PLEKHG1: variants seen among roughly 807,000 people sequenced by gnomAD.
PLEKHG1 encodes the protein pleckstrin homology and RhoGEF domain containing G1, also known as pleckstrin homology domain-containing family G member 1.
Under a neutral mutation model 100.8 loss-of-function variants are expected in PLEKHG1, and 44 were observed. That is an observed-to-expected ratio of 0.44 (90% confidence interval 0.34 to 0.56). The LOEUF (loss-of-function observed/expected upper bound fraction) is 0.56, where lower values mean the gene tolerates loss of function less well. Among genes scored for constraint, PLEKHG1 ranks in the 20% least tolerant of loss-of-function variants. The probability of loss-of-function intolerance (pLI) is 0.01; values close to 1 mark genes in which losing one functional copy is unlikely to be tolerated. For synonymous variants in PLEKHG1, 640 were observed against 662.5 expected (o/e 0.97, Z 0.52); for missense variants, 1,545 against 1,720.9 (o/e 0.90, Z 1.81).
chr6:150,823,782 A>G, intron 14 of PLEKHG1, 106 bp downstream of exon 15: 1 of 769,894 alleles, frequency 1.3e-6, no homozygotes. Context: ...AAGTGTCAAC[A>G]GTTATTTTAC....
At chr6:150,785,639 G>A (rs1785580514) in intron 3 of PLEKHG1, among the ~76,000 whole-genome samples, 1 of 152,056 alleles carries the variant, frequency 6.6e-6, no homozygotes, top group Non-Finnish European at 1.5e-5. Flanking sequence ...ATTCATTAGT[G>A]TGATTTTTCA....
At chr6:150,795,867 C>T in exon 5 of PLEKHG1, 1 of 1,601,436 alleles carries the variant, frequency 6.2e-7, no homozygotes, top group Non-Finnish European at 8.6e-7. Context: ...GTGAAGAGTT[C>T]CACATTTATA....
rs753193997 is a variant in PLEKHG1, at chr6:150,831,366, C to G, written c.2255C>G (p.Ser752Trp). The change falls in exon 15 of 16, where the codon TCG becomes TGG. Residue 752 changes from serine (S) to tryptophan (W), a missense_variant. Physicochemically the swap from Ser to Trp is radical, Grantham distance 177. Transcript: ENST00000358517. This position sits in a 1 kb window ranked among gnomAD's most constrained non-coding sequence, Gnocchi z 4.1. Reference sequence around the variant, plus strand: ...ACCATAGGGCTCCCAGATCCTCCGTCGCTGGGTTTTAAGTGCAGCAGCCTA... The same window carrying G: ...ACCATAGGGCTCCCAGATCCTCCGTGGCTGGGTTTTAAGTGCAGCAGCCTA... The G allele has an allele frequency of 6.2e-7, 1 of 1,614,074 alleles. No homozygotes were observed. Among genetic ancestry groups the G allele is most frequent in the Non-Finnish European group, 8.5e-7 (1 of 1,180,002 alleles).
At chr6:150,685,307 G>A (rs1780080464) in intron 3 of PLEKHG1, among the ~76,000 whole-genome samples, 1 of 152,082 alleles carries the variant, frequency 6.6e-6, no homozygotes, top group African/African-American at 2.4e-5. Context: ...CAGAGATTTT[G>A]AAGGCCTCTT....
intron 3 of PLEKHG1, among the ~76,000 whole-genome samples, chr6:150,676,223 AT>A (rs1423004215): frequency 6.6e-6 from 1 of 152,244 alleles, no homozygotes; most frequent in African/African-American, 2.4e-5. Flanking sequence ...TGGAGACTTA[AT>A]TCATGTGCCC....
chr6:150,652,830 A>G (rs1302847984), intron 3 of PLEKHG1, among the ~76,000 whole-genome samples: 4 of 152,346 alleles, frequency 2.6e-5, no homozygotes, highest in East Asian at 3.9e-4. Context: ...AAGTGCAACA[A>G]TGGGTTAGAG....
intron 2 of PLEKHG1, among the ~76,000 whole-genome samples, chr6:150,754,217 A>G (rs931643523): frequency 6.6e-6 from 1 of 152,160 alleles, no homozygotes; most frequent in East Asian, 1.9e-4. Context: ...CAGTGAGAAA[A>G]GAATAGACAA....
At chr6:150,791,112 T>C (rs1215817068) in intron 4 of PLEKHG1, among the ~76,000 whole-genome samples, 1 of 152,190 alleles carries the variant, frequency 6.6e-6, no homozygotes, top group African/African-American at 2.4e-5. Context: ...AAGTGTGGTC[T>C]TGGACCTGCA....
intron 3 of PLEKHG1, chr6:150,663,557 T>TCTC (rs1562420487): frequency 2.9e-5 from 3 of 104,326 alleles, no homozygotes; most frequent in Non-Finnish European, 4.2e-5. Flanking sequence ...CTCTCTCTCT[T>TCTC]TTTTTTTTTT....
intron 3 of PLEKHG1, among the ~76,000 whole-genome samples, chr6:150,656,176 C>T (rs912111171): frequency 1.1e-4 from 16 of 151,832 alleles, no homozygotes; most frequent in African/African-American, 3.6e-4. Context: ...AGGGACTAGA[C>T]ATTTTGTGGG....
chr6:150,830,771 G>T, exon 15 of PLEKHG1: 1 of 1,614,130 alleles, frequency 6.2e-7, no homozygotes, highest in South Asian at 1.1e-5. Flanking sequence ...GGAGAATGAG[G>T]ATGATGAAGA....
intron 3 of PLEKHG1, among the ~76,000 whole-genome samples, chr6:150,697,567 G>A (rs556563816): frequency 5.3e-5 from 8 of 152,294 alleles, no homozygotes; most frequent in African/African-American, 1.7e-4. Flanking sequence ...GCTGAGGGCC[G>A]GCCCTGGGAG....
intron 3 of PLEKHG1, among the ~76,000 whole-genome samples, chr6:150,716,064 C>T (rs1268065469): frequency 5.4e-5 from 8 of 147,952 alleles, no homozygotes; most frequent in South Asian, 2.2e-4. Flanking sequence ...GCCGAGATCG[C>T]GCCACTGCAC....
In PLEKHG1 at chr6:150,782,244, C is replaced by T. The variant is rs11756236; in HGVS notation, c.513-4146C>T. Among the ~76,000 whole-genome samples, 488 of 151,954 alleles carry T rather than the reference C, an allele frequency of 3.2e-3. 6 individuals are homozygous for T. The highest frequency in any genetic ancestry group is 1.2e-3 in the East Asian group (6 of 5,114). On this transcript the variant is annotated intron_variant, in intron 3 of 15. Coordinates refer to ENST00000358517, the Ensembl canonical transcript of PLEKHG1. ...ACCAGCCCAGCCAACATGGTGAAAC[C>T]CTGTCTCTACTAAAAATAGAAAAGT...
At chr6:150,612,485 A>G (rs1321268005) in intron 1 of PLEKHG1, among the ~76,000 whole-genome samples, 1 of 152,110 alleles carries the variant, frequency 6.6e-6, no homozygotes, top group Non-Finnish European at 1.5e-5. Context: ...GGCGCCTGCC[A>G]TCACACTTGG....
At chr6:150,609,328 G>C (rs1044607711) in intron 1 of PLEKHG1, among the ~76,000 whole-genome samples, 1 of 152,202 alleles carries the variant, frequency 6.6e-6, no homozygotes. Flanking sequence ...GTATTTGCTT[G>C]GGTGGTCAGA....
At chr6:150,621,335 A>G (rs556678651) in intron 1 of PLEKHG1, among the ~76,000 whole-genome samples, 1 of 150,954 alleles carries the variant, frequency 6.6e-6, no homozygotes, top group Admixed American at 6.6e-5. Flanking sequence ...ATGGGTTCCT[A>G]TTAGTTTTAC....
chr6:150,750,512 C>A (rs574975107), intron 2 of PLEKHG1, among the ~76,000 whole-genome samples: 30 of 152,208 alleles, frequency 2.0e-4, no homozygotes, highest in Non-Finnish European at 4.3e-4. Flanking sequence ...AAAGGCGGCA[C>A]ACTCACGCCT....
intron 2 of PLEKHG1, among the ~76,000 whole-genome samples, chr6:150,647,447 T>C (rs906798087): frequency 7.9e-5 from 12 of 152,176 alleles, no homozygotes; most frequent in South Asian, 2.1e-4. Flanking sequence ...GTCTCCTTTT[T>C]ACAAAATCAA....
Sources: gnomAD v4.1 joint callset for allele counts (sites outside exome capture counted in the v4.1 genomes callset) on GRCh38, gnomAD v4.1.1 for gene constraint, Gnocchi (gnomAD v3.1) non-coding constraint, MANE v1.5 for transcripts, NCBI Gene and HGNC (gene_info 2026-07-23, HGNC 2026-07-21) for gene names.